DOK7: variants seen among roughly 807,000 people sequenced by gnomAD.
The protein encoded by DOK7 is protein Dok-7.
A neutral mutation model predicts 30.7 loss-of-function variants in DOK7; 32 were observed. The ratio of observed to expected loss-of-function variants is 1.04; its 90% CI spans 0.79 to 1.40. The LOEUF is 1.40. DOK7 is among the 40% of genes most tolerant of loss of function. DOK7 has a pLI of 0.00. For missense variants in DOK7, 1,007 were observed against 699.2 expected (o/e 1.44, Z -4.97); for synonymous variants, 447 against 324.1 (o/e 1.38, Z -4.07).
At position 3,463,459 on chromosome 4, in the gene DOK7, G is replaced by T. The variant is rs562528761; in HGVS notation, c.54+30G>T. 2.6e-5 allele frequency: 37 copies of T among 1,424,422 alleles called. No individual in the cohort carries two copies. The South Asian group carries it at 2.9e-4, about 11-fold the overall frequency. The allele number at this position is 1,424,422 out of a possible 1,614,324, so 88.2% of individuals were successfully genotyped here. ...GGGCGCGTCGGGGGCGCGGGGGGGG[G>T]GGGCGCGGGCGCGGGCGGCGGCTCA... On this transcript the variant is annotated intron_variant, in intron 1 of 6. Transcript: ENST00000340083.
In DOK7 at chr4:3,493,276, G is replaced by A. The variant is rs538047872; in HGVS notation, c.1290G>A (p.Ala430=). ...PPSQGSPGNS[A]ARDSGGQTSA... is the part of the protein sequence containing the mutation. ...CACAGGGCAGCCCCGGCAACAGTGC[G>A]GCCAGGGACTCAGGCGGCCAGACGT... The change falls in exon 7 of 7, where the codon GCG becomes GCA. Residue 430 remains alanine, a synonymous_variant. Transcript: ENST00000340083. 123 of 1,610,748 alleles carry A rather than the reference G, an allele frequency of 7.6e-5. No homozygotes were observed. In the East Asian group the frequency reaches 1.2e-3, roughly 16 times the overall value.
Position 3,493,161 on chromosome 4 carries a change from C to T in DOK7, c.1175C>T (p.Thr392Ile), listed in dbSNP as rs759341658. The T allele has an allele frequency of 1.2e-6, 2 of 1,606,742 alleles. No individual in the cohort carries two copies. Among genetic ancestry groups the T allele is most frequent in the Non-Finnish European group, 1.7e-6 (2 of 1,177,868 alleles). ...EPSLCTCLPG[T>I]VEYQVPTSLR... ...AGCCTGTGCACCTGCCTGCCCGGGA[C>T]AGTCGAGTACCAGGTGCCCACCTCC... is the stretch of plus-strand genomic sequence containing the variant. Residue 392 changes from threonine (T) to isoleucine (I), a missense_variant, in exon 7 of 7, where the codon ACA becomes ATA. Transcript: ENST00000340083.
intron 4 of DOK7, chr4:3,484,454 G>A (rs2109365751): frequency 1.0e-6 from 1 of 980,490 alleles, no homozygotes; most frequent in African/African-American, 1.7e-5. Flanking sequence ...CCTTTCTTTG[G>A]GCAATGGGCA....
chr4:3,472,111 G>A (rs867766257), intron 2 of DOK7, among the ~76,000 whole-genome samples: 5 of 152,220 alleles, frequency 3.3e-5, no homozygotes, highest in Admixed American at 6.5e-5. Flanking sequence ...CTTGCTGACC[G>A]CTGGCCCCTG....
chr4:3,490,754 G>A (rs1052141208), intron 6 of DOK7, among the ~76,000 whole-genome samples: 4 of 94,948 alleles, frequency 4.2e-5, no homozygotes, highest in Non-Finnish European at 7.6e-5. Context: ...TCTTCCTCCT[G>A]CTCATTCCTT....
Position 3,473,585 on chromosome 4 carries a change from C to T in DOK7, c.280C>T (p.His94Tyr), listed in dbSNP as rs767804171. 2 of 1,608,402 alleles carry T rather than the reference C, an allele frequency of 1.2e-6. No homozygotes were observed. Among genetic ancestry groups the T allele is most frequent in the South Asian group, 1.1e-5 (1 of 90,888 alleles). The change falls in exon 3 of 7, where the codon CAC (histidine) becomes TAC (tyrosine). Residue 94 changes from histidine (H) to tyrosine (Y), a missense_variant. His to Tyr is a moderately conservative substitution (Grantham distance 83). Coordinates refer to ENST00000340083, the MANE Select transcript of DOK7 (RefSeq NM_173660.5). ...SQAIMLGFDSHEAMCAWDARI... is the reference protein window; with the variant it reads ...SQAIMLGFDSYEAMCAWDARI... ...GGCCATCATGCTGGGCTTTGACAGC[C>T]ACGAGGCCATGTGTGCGTGGGATGC...
At chr4:3,492,702 C>G in intron 6 of DOK7, 57 bp from the exon 7 acceptor site, 2 of 1,600,150 alleles carry the variant, frequency 1.2e-6, no homozygotes, top group South Asian at 1.1e-5. Context: ...GCATCAGCCA[C>G]GTCCTGCCCA....
At chr4:3,488,843 G>A (rs1295196031) in intron 5 of DOK7, among the ~76,000 whole-genome samples, 1 of 151,708 alleles carries the variant, frequency 6.6e-6, no homozygotes, top group Non-Finnish European at 1.5e-5. Context: ...TGGGTGCTGT[G>A]GATGTGGAAG....
Position 3,489,797 on chromosome 4 carries a change from G to A in DOK7, c.772+1G>A. On this transcript the variant is annotated splice_donor_variant, in intron 6 of 6. Coordinates refer to ENST00000340083, the MANE Select transcript of DOK7 (RefSeq NM_173660.5). LOFTEE classifies it high-confidence loss of function. The stretch of plus-strand genomic sequence containing the variant: ...CATGCGGGCAGGCCGGGCAGTGGAG[G>A]TAGGGCCGGGGGCTGACCTGGGCTG... 1.3e-6 allele frequency: 2 copies of A among 1,572,008 alleles called. No homozygotes were observed. Among genetic ancestry groups the A allele is most frequent in the South Asian group, 1.2e-5 (1 of 85,648 alleles).
At chr4:3,489,051 C>G (rs1727993857) in intron 5 of DOK7, among the ~76,000 whole-genome samples, 1 of 152,196 alleles carries the variant, frequency 6.6e-6, no homozygotes, top group Non-Finnish European at 1.5e-5. Context: ...TTTCCTGCCA[C>G]TCAGTCGCAG....
chr4:3,501,405 G>A (rs1163079483), exon 8 of DOK7: 1 of 154,258 alleles, frequency 6.5e-6, no homozygotes, highest in African/African-American at 2.4e-5. Flanking sequence ...CTGCACCTGG[G>A]GACGGAGCCT....
chr4:3,498,377 GTCC>G (rs541205677), downstream of DOK7, among the ~76,000 whole-genome samples: 207 of 152,160 alleles, frequency 1.4e-3, no homozygotes, highest in Non-Finnish European at 2.5e-3. Flanking sequence ...GGGAACATTC[GTCC>G]CCTTTCCCTG....
At chr4:3,468,240 A>G (rs1317278796) in intron 2 of DOK7, among the ~76,000 whole-genome samples, 2 of 137,834 alleles carry the variant, frequency 1.5e-5, no homozygotes, top group African/African-American at 5.5e-5. Flanking sequence ...GTGGGGGTGT[A>G]TGTGTGCAAG....
At chr4:3,500,278 G>T (rs1413101271) in exon 7 of DOK7, 84 of 1,535,842 alleles carry the variant, frequency 5.5e-5, no homozygotes, top group Non-Finnish European at 7.2e-5. Context: ...GCTGTGGACA[G>T]CCCAGGACCA....
intron 2 of DOK7, among the ~76,000 whole-genome samples, chr4:3,467,460 C>CG (rs1245311939): frequency 1.5e-5 from 2 of 135,442 alleles, no homozygotes; most frequent in Non-Finnish European, 3.3e-5. Flanking sequence ...CCCCCCCCCC[C>CG]CACCCCAGAC....
At chr4:3,495,112 C>A (rs1728831597), downstream of DOK7, among the ~76,000 whole-genome samples, 1 of 152,192 alleles carries the variant, frequency 6.6e-6, no homozygotes, top group African/African-American at 2.4e-5. Flanking sequence ...CCCCGCCCCT[C>A]TCTGAGCCTC....
At chr4:3,484,520 C>T (rs988219639) in intron 4 of DOK7, 172 of 985,536 alleles carry the variant, frequency 1.7e-4, no homozygotes, top group Non-Finnish European at 1.9e-4. Context: ...AGTGTCCAGC[C>T]GGGTGCAGCC....
At chr4:3,471,023 G>A (rs1449875187) in intron 2 of DOK7, among the ~76,000 whole-genome samples, 5 of 152,224 alleles carry the variant, frequency 3.3e-5, no homozygotes, top group Non-Finnish European at 5.9e-5. Flanking sequence ...CCAAGGCTCC[G>A]AGGAAGCTGA....
chr4:3,464,651 G>A (rs1726172966), intron 2 of DOK7, among the ~76,000 whole-genome samples: 2 of 152,176 alleles, frequency 1.3e-5, no homozygotes, highest in African/African-American at 4.8e-5. Flanking sequence ...GGTGATGCTT[G>A]GTGGATGGTG....
Sources: allele counts gnomAD v4.1 joint callset (sites outside exome capture counted in the v4.1 genomes callset), GRCh38; gene constraint gnomAD v4.1.1; transcripts MANE v1.5; gene names NCBI Gene and HGNC (gene_info 2026-07-23, HGNC 2026-07-21).